Variants in METAP1D observed in about 807,000 individuals in gnomAD.
The protein encoded by METAP1D is methionyl aminopeptidase type 1D, mitochondrial.
In METAP1D, 31 loss-of-function variants were observed where a neutral mutation model predicts 40.5. The ratio of observed to expected loss-of-function variants is 0.77; its 90% CI spans 0.58 to 1.03. METAP1D has a LOEUF of 1.03. METAP1D is among the 50% of genes least tolerant of loss of function. The probability of loss-of-function intolerance (pLI) is 0.00; values close to 1 mark genes in which losing one functional copy is unlikely to be tolerated. For missense variants in METAP1D, 411 were observed against 420.7 expected (o/e 0.98, Z 0.20); for synonymous variants, 151 against 146.4 (o/e 1.03, Z -0.22).
intron 8 of METAP1D, among the ~76,000 whole-genome samples, chr2:172,079,891 G>A (rs544723645): frequency 1.1e-3 from 165 of 152,162 alleles, no homozygotes; most frequent in Non-Finnish European, 1.9e-3. Flanking sequence ...AAAAAATTAC[G>A]AACTAGGCAA....
rs867174705 is a variant in METAP1D, at chr2:172,033,413, G to A, written c.41-28085G>A. On this transcript the variant is annotated intron_variant, in intron 1 of 9. Transcript: ENST00000315796. ...CTGTCACCCAGGCCAGAGTGCAGTG[G>A]TGCGATCTTGGCTCACTGCAACCTC... Among the ~76,000 whole-genome samples the A allele has an allele frequency of 4.0e-5, 6 of 151,664 alleles. No individual in the cohort carries two copies. In the South Asian group the frequency reaches 1.3e-3, roughly 32 times the overall value.
chr2:172,004,982 G>T (rs1348883568), intron 1 of METAP1D, among the ~76,000 whole-genome samples: 4 of 151,288 alleles, frequency 2.6e-5, no homozygotes, highest in Non-Finnish European at 5.9e-5. Flanking sequence ...GAGTGCAGTG[G>T]CACAATCACA....
intron 1 of METAP1D, among the ~76,000 whole-genome samples, chr2:172,036,039 T>TGG (rs1689367817): frequency 6.6e-6 from 1 of 152,028 alleles, no homozygotes; most frequent in Non-Finnish European, 1.5e-5. Flanking sequence ...AATTTATGGC[T>TGG]GGGCATGATG....
chr2:172,002,291 T>C (rs926060939), intron 1 of METAP1D, among the ~76,000 whole-genome samples: 1 of 152,172 alleles, frequency 6.6e-6, no homozygotes, highest in Non-Finnish European at 1.5e-5. Context: ...CGTATTTTTA[T>C]ATGTGTGTAT....
intron 3 of METAP1D, 42 bp downstream of exon 3, chr2:172,063,902 A>C (rs1559017695): frequency 8.6e-6 from 13 of 1,519,522 alleles, no homozygotes; most frequent in African/African-American, 1.4e-5. Context: ...CATAAGGGGC[A>C]ACAAACACTC....
chr2:172,003,230 A>T (rs183790573), intron 1 of METAP1D, among the ~76,000 whole-genome samples: 34 of 152,236 alleles, frequency 2.2e-4, no homozygotes, highest in Admixed American at 5.2e-4. Flanking sequence ...AGGGCCTTTA[A>T]GGGACTAAAA....
At chr2:172,000,980 G>A (rs1688447265) in intron 1 of METAP1D, among the ~76,000 whole-genome samples, 1 of 152,092 alleles carries the variant, frequency 6.6e-6, no homozygotes, top group Admixed American at 6.6e-5. Context: ...TCCAGACTTG[G>A]CAATAGAGCC....
intron 1 of METAP1D, among the ~76,000 whole-genome samples, chr2:172,009,864 A>G (rs567001305): frequency 6.6e-6 from 1 of 152,266 alleles, no homozygotes; most frequent in Admixed American, 6.5e-5. Context: ...TGCCAAGGAA[A>G]TGGTACAGAG....
intron 1 of METAP1D, among the ~76,000 whole-genome samples, chr2:172,012,258 C>G (rs1688746639): frequency 6.6e-6 from 1 of 152,220 alleles, no homozygotes; most frequent in African/African-American, 2.4e-5. Flanking sequence ...GACAACTCCT[C>G]TCTGTGGTCT....
intron 6 of METAP1D, among the ~76,000 whole-genome samples, chr2:172,073,955 T>C (rs1690481818): frequency 6.6e-6 from 1 of 152,222 alleles, no homozygotes; most frequent in Non-Finnish European, 1.5e-5. Flanking sequence ...GGAATTCTCC[T>C]CTGAAACCTA....
chr2:172,025,262 G>A (rs890725202), intron 1 of METAP1D, among the ~76,000 whole-genome samples: 6 of 152,160 alleles, frequency 3.9e-5, no homozygotes, highest in African/African-American at 7.2e-5. Flanking sequence ...GATATATGGT[G>A]TAGATGTGTT....
chr2:172,022,950 G>A (rs1689038730), intron 1 of METAP1D, among the ~76,000 whole-genome samples: 1 of 152,178 alleles, frequency 6.6e-6, no homozygotes, highest in Non-Finnish European at 1.5e-5. Context: ...ACTTTGGGAG[G>A]CCGAGGCGGG....
At chr2:172,045,809 G>A (rs1389928247) in intron 1 of METAP1D, among the ~76,000 whole-genome samples, 2 of 69,948 alleles carry the variant, frequency 2.9e-5, no homozygotes, top group African/African-American at 1.1e-4. Context: ...GTGTGTGTGT[G>A]TGTGTGTGTG....
intron 6 of METAP1D, chr2:172,072,447 T>C (rs750037386): frequency 6.0e-6 from 1 of 167,222 alleles, no homozygotes; most frequent in Non-Finnish European, 1.5e-5. Flanking sequence ...TTTGATTCTC[T>C]CTGAGAGGTA....
intron 1 of METAP1D, among the ~76,000 whole-genome samples, chr2:172,042,259 A>C (rs765574447): frequency 2.2e-4 from 1 of 4,648 alleles, no homozygotes; most frequent in African/African-American, 5.5e-4. Context: ...ATGTGTACAC[A>C]TATACATATA....
Position 172,042,167 on chromosome 2 carries a change from A to G in METAP1D, c.41-19331A>G, listed in dbSNP as rs1278193403. On this transcript the variant is annotated intron_variant, in intron 1 of 9. Coordinates refer to ENST00000315796, the MANE Select transcript of METAP1D (RefSeq NM_199227.3). Reference sequence around the variant, plus strand: ...TACATATGTATGTGTACATGTGTACACATATACATATGTATGTGTACATGT... The same window carrying G: ...TACATATGTATGTGTACATGTGTACGCATATACATATGTATGTGTACATGT... Among the ~76,000 whole-genome samples, 13 of 93,002 alleles carry G rather than the reference A, an allele frequency of 1.4e-4. 3 individuals are homozygous for G. Among genetic ancestry groups the G allele is most frequent in the African/African-American group, 4.7e-4 (13 of 27,856 alleles). 61.0% of individuals were successfully genotyped at this position (93,002 alleles called of 152,430 possible).
Position 172,079,134 on chromosome 2 carries a change from G to A in METAP1D, c.803-81G>A, listed in dbSNP as rs1023257401. 12 of 1,421,536 alleles carry A rather than the reference G, an allele frequency of 8.4e-6. No individual in the cohort carries two copies. In the African/African-American group the frequency reaches 1.7e-4, roughly 20 times the overall value. 88.1% of individuals were successfully genotyped at this position (1,421,536 alleles called of 1,614,324 possible). On this transcript the variant is annotated intron_variant, in intron 7 of 9. Transcript: ENST00000315796. Reference sequence around the variant, plus strand: ...AAATAAAACGACCAAGTTTTTTAAAGGGGCCTGACCCCTGTAATCTGTTTT... The same window carrying A: ...AAATAAAACGACCAAGTTTTTTAAAAGGGCCTGACCCCTGTAATCTGTTTT...
chr2:172,012,785 G>C (rs1688761662), intron 1 of METAP1D, among the ~76,000 whole-genome samples: 1 of 152,076 alleles, frequency 6.6e-6, no homozygotes, highest in Admixed American at 6.6e-5. Context: ...CTTAAATGTT[G>C]ATGACTTCCT....
Position 172,053,341 on chromosome 2 carries a change from C to T in METAP1D, c.41-8157C>T, listed in dbSNP as rs141188068. 6.0e-4 allele frequency among the ~76,000 whole-genome samples: 92 copies of T among 152,290 alleles called. 3 individuals are homozygous for T. The highest frequency in any genetic ancestry group is 2.2e-3 in the African/African-American group (91 of 41,574). ...TTCCTATGCTATAGTCCCTTCTGAGCTTACTGTAGGAGGCAACATTTTTAA... is the reference window on the plus strand; with the variant it reads ...TTCCTATGCTATAGTCCCTTCTGAGTTTACTGTAGGAGGCAACATTTTTAA... On this transcript the variant is annotated intron_variant, in intron 1 of 9. Transcript: ENST00000315796.
Sources: gnomAD v4.1 joint callset for allele counts (sites outside exome capture counted in the v4.1 genomes callset) on GRCh38, gnomAD v4.1.1 for gene constraint, MANE v1.5 for transcripts, NCBI Gene and HGNC (gene_info 2026-07-23, HGNC 2026-07-21) for gene names.